AP3B1: variants seen among roughly 807,000 people sequenced by gnomAD.
The protein encoded by AP3B1 is adaptor related protein complex 3 subunit beta 1, also known as AP-3 complex subunit beta-1.
In AP3B1, 61 loss-of-function variants were observed where a neutral mutation model predicts 132.5. The observed-to-expected ratio is 0.46, with a 90% CI of 0.37 to 0.57. The LOEUF (loss-of-function observed/expected upper bound fraction) is 0.57, where lower values mean the gene tolerates loss of function less well. AP3B1 is among the 20% of genes least tolerant of loss of function. The pLI is 0.00. For missense variants in AP3B1, 1,120 were observed against 1,289.4 expected, an observed-to-expected ratio of 0.87 and a Z score of 2.01; for synonymous variants, 388 against 438.3, an observed-to-expected ratio of 0.89 and a Z score of 1.43.
At chr5:78,260,992 A>G (rs1219025007) in intron 2 of AP3B1, among the ~76,000 whole-genome samples, 2 of 152,224 alleles carry the variant, frequency 1.3e-5, no homozygotes, top group African/African-American at 4.8e-5. Flanking sequence ...CAGATGTACC[A>G]CATTCGTTTA....
At chr5:78,213,986 C>T (rs1030870009) in intron 7 of AP3B1, among the ~76,000 whole-genome samples, 1 of 152,206 alleles carries the variant, frequency 6.6e-6, no homozygotes, top group Non-Finnish European at 1.5e-5. Flanking sequence ...CAAAAAGCTG[C>T]ACAGTCTAGA....
At chr5:78,105,416 T>G (rs1751292733) in intron 20 of AP3B1, among the ~76,000 whole-genome samples, 1 of 152,104 alleles carries the variant, frequency 6.6e-6, no homozygotes, top group African/African-American at 2.4e-5. Context: ...TCACCATCTG[T>G]TCACATAATT....
At position 78,046,704 on chromosome 5, in the gene AP3B1, C is replaced by CTT. The variant is rs36019211; in HGVS notation, c.2578-7432_2578-7431dup. On this transcript the variant is annotated intron_variant, in intron 22 of 26. Coordinates refer to ENST00000255194, the MANE Select transcript of AP3B1 (RefSeq NM_003664.5). ...CAGTCCCCTTATAAAAGCCTAGAATCTTTTTTTTTTTAAAATACTTTAAGT... is the reference window on the plus strand; with the variant it reads ...CAGTCCCCTTATAAAAGCCTAGAATCTTTTTTTTTTTTTAAAATACTTTAAGT... Among the ~76,000 whole-genome samples, 340 of 149,190 alleles carry CTT rather than the reference C, an allele frequency of 2.3e-3. 1 individual carries two copies. The highest frequency in any genetic ancestry group is 7.6e-3 in the African/African-American group (310 of 40,776).
chr5:78,291,865 G>A (rs779722232), intron 1 of AP3B1, among the ~76,000 whole-genome samples: 38 of 152,320 alleles, frequency 2.5e-4, no homozygotes, highest in Admixed American at 5.2e-4. Flanking sequence ...CACTGTAGTT[G>A]CGTAAGAGAA....
In AP3B1 at chr5:78,270,197, C is replaced by A. The variant is rs570943906; in HGVS notation, c.129-2602G>T. ...AAAGTGCTATGATTACAGAAATGAG[C>A]CACCACGCCTGGCCCATTTTATTTT... On this transcript the variant is annotated intron_variant, in intron 1 of 26. Coordinates refer to ENST00000255194, the MANE Select transcript of AP3B1 (RefSeq NM_003664.5). Among the ~76,000 whole-genome samples the A allele has an allele frequency of 3.3e-4, 51 of 152,264 alleles. 1 individual carries two copies. In the South Asian group the frequency reaches 0.011, roughly 32 times the overall value.
chr5:78,110,319 G>C lies in AP3B1; in HGVS notation c.2285C>G (p.Ser762Cys). Residue 762 changes from serine to cysteine, a missense_variant, in exon 20 of 27, where the codon TCT becomes TGT. By Grantham distance (112) the Ser-to-Cys change is moderately radical (BLOSUM62 -1). This residue lies in a region of AP3B1 where 906 missense variants were observed against 997.1 expected (regional missense o/e 0.91). Transcript: ENST00000255194. ...GTCATTTGAAGAATCTGAAGTTTTA[G>C]ATTTTTCATTTTCCTTCTCCCCATC... is the stretch of plus-strand genomic sequence containing the variant. The part of the protein sequence containing the change: ...SEDGEKENEK[S>C]KTSDSSNDES... 6.2e-7 allele frequency: 1 copy of C among 1,609,928 alleles called. No individual in the cohort carries two copies. Among genetic ancestry groups the C allele is most frequent in the Non-Finnish European group, 8.5e-7 (1 of 1,177,390 alleles).
chr5:78,189,130 T>C (rs993110726), intron 7 of AP3B1, among the ~76,000 whole-genome samples: 1 of 152,096 alleles, frequency 6.6e-6, no homozygotes, highest in Non-Finnish European at 1.5e-5. Context: ...CTGGGCTTAA[T>C]ACCTGGGTGA....
chr5:78,238,218 T>C (rs774568067), intron 3 of AP3B1, among the ~76,000 whole-genome samples: 4 of 152,196 alleles, frequency 2.6e-5, no homozygotes, highest in Non-Finnish European at 4.4e-5. Context: ...AAGAGGGATC[T>C]AGGCTGCGTG....
chr5:78,276,731 T>C (rs1309523585), intron 1 of AP3B1, among the ~76,000 whole-genome samples: 1 of 151,916 alleles, frequency 6.6e-6, no homozygotes, highest in African/African-American at 2.4e-5. Flanking sequence ...TAGTCAGGCA[T>C]GGTGGCATGC....
chr5:78,028,658 AT>A (rs1229633361), intron 24 of AP3B1, among the ~76,000 whole-genome samples: 4 of 152,146 alleles, frequency 2.6e-5, no homozygotes, highest in Non-Finnish European at 5.9e-5. Context: ...GCCAGAAGTC[AT>A]TTGAATTTAT....
At chr5:78,263,608 T>A (rs1748194116) in intron 2 of AP3B1, among the ~76,000 whole-genome samples, 1 of 152,228 alleles carries the variant, frequency 6.6e-6, no homozygotes, top group Admixed American at 6.5e-5. Context: ...CACTACTGAG[T>A]GTGATGCTAG....
At chr5:78,020,648 T>G in intron 25 of AP3B1, 44 bp downstream of exon 25, 1 of 1,414,872 alleles carries the variant, frequency 7.1e-7, no homozygotes. Context: ...TAAGCACATA[T>G]TATTTGGTAT....
intron 2 of AP3B1, among the ~76,000 whole-genome samples, chr5:78,249,896 T>C (rs943533525): frequency 6.6e-6 from 1 of 152,190 alleles, no homozygotes; most frequent in Non-Finnish European, 1.5e-5. Flanking sequence ...GAATAATTTC[T>C]AATGATCTGT....
chr5:78,157,053 A>G (rs1561445614), intron 13 of AP3B1, among the ~76,000 whole-genome samples: 1 of 152,046 alleles, frequency 6.6e-6, no homozygotes, highest in Non-Finnish European at 1.5e-5. Context: ...AGCTGTGTTT[A>G]GTCAATAGAA....
intron 11 of AP3B1, among the ~76,000 whole-genome samples, chr5:78,170,288 G>A (rs1488754951): frequency 6.6e-6 from 1 of 152,080 alleles, no homozygotes; most frequent in Non-Finnish European, 1.5e-5. Context: ...GGGATCACTG[G>A]GTCAAATGAT....
intron 1 of AP3B1, among the ~76,000 whole-genome samples, chr5:78,278,462 A>AGTGGCGGGCGCC (rs1748882518): frequency 1.9e-5 from 2 of 105,168 alleles, no homozygotes; most frequent in Admixed American, 1.8e-4. Context: ...AGCCGGGCGT[A>AGTGGCGGGCGCC]GTGGCGGGCG....
chr5:78,294,343 C>T, intron 1 of AP3B1, 109 bp downstream of exon 1: 1 of 1,534,688 alleles, frequency 6.5e-7, no homozygotes, highest in South Asian at 1.1e-5. Flanking sequence ...CTGCCCTGCT[C>T]AGACCTCAGG....
chr5:78,238,415 T>A (rs536352615), intron 3 of AP3B1, among the ~76,000 whole-genome samples: 32 of 152,282 alleles, frequency 2.1e-4, no homozygotes, highest in African/African-American at 7.7e-4. Flanking sequence ...ATAAATGTAA[T>A]GCTTTTGAAT....
At chr5:78,294,335 G>C in intron 1 of AP3B1, 117 bp downstream of exon 1, 1 of 1,485,586 alleles carries the variant, frequency 6.7e-7, no homozygotes, top group Non-Finnish European at 9.2e-7. Flanking sequence ...TTACCGCCCT[G>C]CCCTGCTCAG....
Sources: allele counts gnomAD v4.1 joint callset (sites outside exome capture counted in the v4.1 genomes callset), GRCh38; gene constraint gnomAD v4.1.1; regional missense constraint gnomAD v4.1.1; transcripts MANE v1.5; gene names NCBI Gene and HGNC (gene_info 2026-07-23, HGNC 2026-07-21).